MAML2: variants seen among roughly 807,000 people sequenced by gnomAD.
The protein encoded by MAML2 is mastermind like transcriptional coactivator 2.
MAML2 carries 22 observed loss-of-function variants against 96.1 expected under a neutral mutation model. That is an observed-to-expected ratio of 0.23 (90% CI 0.16 to 0.33). The LOEUF (loss-of-function observed/expected upper bound fraction) is 0.33. Among genes scored for constraint, MAML2 ranks in the 10% least tolerant of loss-of-function variants. MAML2 has a pLI of 1.00. For missense variants in MAML2, 1,367 were observed against 1,392.4 expected (o/e 0.98, Z 0.29); for synonymous variants, 561 against 521.3 (o/e 1.08, Z -1.04).
At chr11:96,110,325 T>A (rs970657513) in intron 1 of MAML2, among the ~76,000 whole-genome samples, 1 of 152,244 alleles carries the variant, frequency 6.6e-6, no homozygotes, top group Admixed American at 6.5e-5. Context: ...CAGCAGTTGG[T>A]ACAATACTTG....
intron 2 of MAML2, among the ~76,000 whole-genome samples, chr11:96,014,263 T>A (rs1858309283): frequency 6.6e-6 from 1 of 152,202 alleles, no homozygotes; most frequent in African/African-American, 2.4e-5. Flanking sequence ...GTATATTCAC[T>A]GAGGAATGGG....
intron 2 of MAML2, among the ~76,000 whole-genome samples, chr11:96,083,618 C>A (rs1859561213): frequency 6.6e-6 from 1 of 152,156 alleles, no homozygotes; most frequent in Non-Finnish European, 1.5e-5. Flanking sequence ...AGCTCCTGTT[C>A]CTAACTTCTG....
At chr11:96,003,777 CAT>C (rs1236397023) in intron 2 of MAML2, among the ~76,000 whole-genome samples, 5 of 151,994 alleles carry the variant, frequency 3.3e-5, no homozygotes, top group African/African-American at 4.8e-5. Context: ...AATTGAATAT[CAT>C]ATAAATTTTC....
intron 1 of MAML2, among the ~76,000 whole-genome samples, chr11:96,148,707 C>CACAT: frequency 7.2e-6 from 1 of 138,810 alleles, no homozygotes; most frequent in South Asian, 2.4e-4. Context: ...CACACACACA[C>CACAT]ATAAGCACGC....
At chr11:96,074,267 C>T (rs573252226) in intron 2 of MAML2, among the ~76,000 whole-genome samples, 17 of 152,286 alleles carry the variant, frequency 1.1e-4, no homozygotes, top group Admixed American at 2.6e-4. Flanking sequence ...CCACTGATGC[C>T]GTGTGGCTTT....
intron 2 of MAML2, among the ~76,000 whole-genome samples, chr11:96,012,776 C>G (rs953911127): frequency 6.6e-6 from 1 of 152,242 alleles, no homozygotes; most frequent in Non-Finnish European, 1.5e-5. Flanking sequence ...ACCTTCACTA[C>G]TGTTTCTACA....
intron 1 of MAML2, among the ~76,000 whole-genome samples, chr11:96,243,255 T>C (rs1862461254): frequency 6.6e-6 from 1 of 152,178 alleles, no homozygotes; most frequent in African/African-American, 2.4e-5. Flanking sequence ...AAGAAGACAT[T>C]TTAAAAATGC....
intron 1 of MAML2, among the ~76,000 whole-genome samples, chr11:96,322,477 G>A (rs917601642): frequency 3.3e-5 from 5 of 152,260 alleles, no homozygotes; most frequent in African/African-American, 1.2e-4. Context: ...CGGATCACGA[G>A]GTCAGGAGAT....
chr11:96,336,733 C>T (rs1167864899), intron 1 of MAML2, among the ~76,000 whole-genome samples: 1 of 151,834 alleles, frequency 6.6e-6, no homozygotes, highest in East Asian at 1.9e-4. Context: ...CAAACAACAA[C>T]AAAAAAACAA....
In MAML2 at chr11:96,034,978, T is replaced by C. The variant is rs192745775; in HGVS notation, c.2140-43255A>G. Among the ~76,000 whole-genome samples the C allele has an allele frequency of 2.1e-3, 317 of 152,302 alleles. 1 individual carries two copies. Among genetic ancestry groups the C allele is most frequent in the African/African-American group, 7.3e-3 (305 of 41,566 alleles). ...GTTTAGTTTAAAAGATTAAAAGGCT[T>C]GTCTGCTTTCTGAATTATTTGAACC... On this transcript the variant is annotated intron_variant, in intron 2 of 4. Coordinates refer to ENST00000524717, the MANE Select transcript of MAML2 (RefSeq NM_032427.4).
At position 96,135,168 on chromosome 11, in the gene MAML2, G is replaced by A. The variant is rs973930891; in HGVS notation, c.514-41651C>T. On this transcript the variant is annotated intron_variant, in intron 1 of 4. Coordinates refer to ENST00000524717, the MANE Select transcript of MAML2 (RefSeq NM_032427.4). ...TGAGAGTGAGTTAGTTATCATGGGC[G>A]TGGGTTCCTAATAAAATAATAACTT... Among the ~76,000 whole-genome samples the A allele has an allele frequency of 2.0e-4, 31 of 152,166 alleles. 1 individual carries two copies. The highest frequency in any genetic ancestry group is 2.1e-4 in the South Asian group (1 of 4,824).
At chr11:95,993,615 A>T (rs1857949262) in intron 2 of MAML2, among the ~76,000 whole-genome samples, 1 of 152,168 alleles carries the variant, frequency 6.6e-6, no homozygotes, top group South Asian at 2.1e-4. Context: ...AACTCCCATG[A>T]TACCACATGA....
chr11:96,191,770 C>CA (rs11396681), intron 1 of MAML2, among the ~76,000 whole-genome samples: 15,374 of 116,394 alleles, frequency 0.13, 1,593 homozygotes, highest in East Asian at 0.29. Context: ...AACTCTGTCT[C>CA]AAAAAAAAAA....
intron 2 of MAML2, among the ~76,000 whole-genome samples, chr11:96,049,230 C>A (rs1358178129): frequency 1.3e-5 from 2 of 152,118 alleles, no homozygotes; most frequent in Admixed American, 1.3e-4. Flanking sequence ...TTCTTTACTC[C>A]TCTTTGTACT....
chr11:96,241,589 G>T (rs2135960949), intron 1 of MAML2, among the ~76,000 whole-genome samples: 1 of 152,344 alleles, frequency 6.6e-6, no homozygotes, highest in South Asian at 2.1e-4. Flanking sequence ...AGAAAATAGT[G>T]CCACGGGTAA....
intron 1 of MAML2, among the ~76,000 whole-genome samples, chr11:96,304,006 G>C (rs1307778603): frequency 2.0e-5 from 3 of 152,238 alleles, no homozygotes; most frequent in Non-Finnish European, 4.4e-5. Flanking sequence ...AGGATCCAGA[G>C]TGGCCCTCAA....
intron 2 of MAML2, among the ~76,000 whole-genome samples, chr11:96,090,846 G>A (rs567371618): frequency 1.1e-4 from 16 of 152,258 alleles, no homozygotes; most frequent in East Asian, 3.9e-4. Flanking sequence ...CAATAGCCAC[G>A]AAAACTACTC....
At chr11:96,198,203 T>C (rs1312944636) in intron 1 of MAML2, among the ~76,000 whole-genome samples, 1 of 152,192 alleles carries the variant, frequency 6.6e-6, no homozygotes, top group African/African-American at 2.4e-5. Context: ...CTAAAGACAC[T>C]GCTTCAATCC....
intron 1 of MAML2, among the ~76,000 whole-genome samples, chr11:96,144,828 A>C (rs187112045): frequency 7.2e-5 from 11 of 152,212 alleles, no homozygotes; most frequent in African/African-American, 2.4e-4. Context: ...ATTTTGTTTC[A>C]CTCTTATACA....
Sources: gnomAD v4.1 joint callset for allele counts (sites outside exome capture counted in the v4.1 genomes callset) on GRCh38, gnomAD v4.1.1 for gene constraint, MANE v1.5 for transcripts, NCBI Gene and HGNC (gene_info 2026-07-23, HGNC 2026-07-21) for gene names.